Variants in PPARGC1A observed in about 807,000 individuals in gnomAD.
PPARGC1A encodes the protein PPARG coactivator 1 alpha.
A neutral mutation model predicts 88.7 loss-of-function variants in PPARGC1A; 25 were observed. The observed-to-expected ratio is 0.28, with a 90% confidence interval of 0.21 to 0.39. The LOEUF (loss-of-function observed/expected upper bound fraction) is 0.39, where lower values mean the gene tolerates loss of function less well. PPARGC1A is among the 10% of genes least tolerant of loss of function. The pLI, the probability that PPARGC1A is intolerant of heterozygous loss-of-function variation, is 1.00. For missense variants in PPARGC1A, 880 were observed against 968.7 expected (o/e 0.91, Z 1.22); for synonymous variants, 363 against 355.6 (o/e 1.02, Z -0.24).
At chr4:24,141,372 G>A in the PPARGC1A span, among the ~76,000 whole-genome samples, 6 of 152,220 alleles carry the variant, frequency 3.9e-5, no homozygotes, top group Non-Finnish European at 8.8e-5. Context: ...TGGAGGTTGT[G>A]AAGTGTCTTC....
At chr4:23,805,153 T>C (rs1265954060) in intron 10 of PPARGC1A, among the ~76,000 whole-genome samples, 1 of 151,922 alleles carries the variant, frequency 6.6e-6, no homozygotes, top group Non-Finnish European at 1.5e-5. Context: ...ACATCAAAGA[T>C]GCCTAAGAGT....
At chr4:24,262,344 T>G in the PPARGC1A span, among the ~76,000 whole-genome samples, 1 of 152,076 alleles carries the variant, frequency 6.6e-6, no homozygotes, top group Non-Finnish European at 1.5e-5. Flanking sequence ...GCCCAAGGAG[T>G]GGACTTCACC....
At chr4:23,919,769 G>A in the PPARGC1A span, among the ~76,000 whole-genome samples, 1 of 152,152 alleles carries the variant, frequency 6.6e-6, no homozygotes, top group Non-Finnish European at 1.5e-5. Context: ...TTGACAGAAT[G>A]TTCTCCCTTT....
chr4:24,248,960 CG>C, the PPARGC1A span, among the ~76,000 whole-genome samples: 1 of 152,086 alleles, frequency 6.6e-6, no homozygotes, highest in African/African-American at 2.4e-5. Context: ...AGCAAAGGGT[CG>C]GGAGGCCTAA....
chr4:23,800,566 T>C (rs1306116048), intron 12 of PPARGC1A, among the ~76,000 whole-genome samples: 2 of 150,912 alleles, frequency 1.3e-5, no homozygotes, highest in Non-Finnish European at 3.0e-5. Context: ...AATTTATATA[T>C]TAATTGAGAA....
At chr4:23,865,225 A>G (rs77955016) in intron 2 of PPARGC1A, among the ~76,000 whole-genome samples, 4,660 of 152,188 alleles carry the variant, frequency 0.031, 249 homozygotes, top group African/African-American at 0.11. Flanking sequence ...TCAACCATCA[A>G]TGGACCACCT....
At chr4:24,398,896 A>G in the PPARGC1A span, among the ~76,000 whole-genome samples, 1 of 152,228 alleles carries the variant, frequency 6.6e-6, no homozygotes, top group Non-Finnish European at 1.5e-5. Flanking sequence ...AAATGAGGGC[A>G]GGGCTGTTGT....
At chr4:24,226,925 C>G in the PPARGC1A span, among the ~76,000 whole-genome samples, 1 of 152,148 alleles carries the variant, frequency 6.6e-6, no homozygotes, top group African/African-American at 2.4e-5. Flanking sequence ...TCCCACACCC[C>G]CTCCAAGTGG....
At chr4:24,225,234 T>TAAAGTTAACCA in the PPARGC1A span, among the ~76,000 whole-genome samples, 2 of 152,130 alleles carry the variant, frequency 1.3e-5, no homozygotes, top group Non-Finnish European at 2.9e-5. Flanking sequence ...TTTAATAACC[T>TAAAGTTAACCA]AGCTAACAGG....
the PPARGC1A span, among the ~76,000 whole-genome samples, chr4:24,282,199 C>G: frequency 1.3e-5 from 2 of 152,284 alleles, no homozygotes; most frequent in East Asian, 1.9e-4. Context: ...CATAGTTGTA[C>G]AGAATGAGGA....
chr4:24,363,614 C>T, the PPARGC1A span, among the ~76,000 whole-genome samples: 1 of 152,110 alleles, frequency 6.6e-6, no homozygotes, highest in Non-Finnish European at 1.5e-5. Flanking sequence ...CCCTAACAAA[C>T]AAAATCTGCC....
At chr4:24,393,838 G>C in the PPARGC1A span, among the ~76,000 whole-genome samples, 7 of 152,008 alleles carry the variant, frequency 4.6e-5, no homozygotes, top group Non-Finnish European at 1.0e-4. Flanking sequence ...GAAAATTTTC[G>C]CCGGGCATAG....
the PPARGC1A span, among the ~76,000 whole-genome samples, chr4:24,051,554 G>T: frequency 6.6e-6 from 1 of 152,088 alleles, no homozygotes; most frequent in African/African-American, 2.4e-5. Flanking sequence ...AAAGATTAAG[G>T]CACTAGCCTC....
chr4:24,009,378 C>T, the PPARGC1A span, among the ~76,000 whole-genome samples: 2 of 152,026 alleles, frequency 1.3e-5, no homozygotes, highest in South Asian at 4.1e-4. Flanking sequence ...TGATTTTATT[C>T]TTGTTAGAGG....
At chr4:24,125,930 T>C in the PPARGC1A span, among the ~76,000 whole-genome samples, 1 of 152,146 alleles carries the variant, frequency 6.6e-6, no homozygotes, top group Admixed American at 6.5e-5. Flanking sequence ...AAAACCAAAC[T>C]AAGAAGAGGA....
the PPARGC1A span, among the ~76,000 whole-genome samples, chr4:23,964,447 G>T: frequency 1.3e-5 from 2 of 152,126 alleles, no homozygotes; most frequent in Non-Finnish European, 2.9e-5. Flanking sequence ...TGGCTTCTAG[G>T]GTTTTTCCTG....
intron 1 of PPARGC1A, among the ~76,000 whole-genome samples, chr4:23,888,379 T>A (rs1311860700): frequency 6.6e-6 from 1 of 152,250 alleles, no homozygotes; most frequent in Non-Finnish European, 1.5e-5. Context: ...TATTTCCATA[T>A]GATCTAGTTC....
At chr4:23,865,825 C>T (rs1472270335) in intron 2 of PPARGC1A, among the ~76,000 whole-genome samples, 1 of 152,162 alleles carries the variant, frequency 6.6e-6, no homozygotes, top group East Asian at 1.9e-4. Flanking sequence ...AACCTGAGAA[C>T]AGTCTTAAAC....
At chr4:23,871,903 T>C (rs543266214) in intron 2 of PPARGC1A, among the ~76,000 whole-genome samples, 11 of 152,162 alleles carry the variant, frequency 7.2e-5, no homozygotes, top group East Asian at 1.9e-4. Context: ...AGAGACCTAA[T>C]TGAGTAAGGC....
Sources: gnomAD v4.1 joint callset for allele counts (sites outside exome capture counted in the v4.1 genomes callset) on GRCh38, gnomAD v4.1.1 for gene constraint, MANE v1.5 for transcripts, NCBI Gene and HGNC (gene_info 2026-07-23, HGNC 2026-07-21) for gene names.